Variants in STXBP5L observed in about 807,000 individuals in gnomAD.
STXBP5L encodes the protein syntaxin-binding protein 5-like.
Under a neutral mutation model 144.5 loss-of-function variants are expected in STXBP5L, and 65 were observed. The observed-to-expected ratio is 0.45, with a 90% confidence interval of 0.37 to 0.55. The LOEUF (loss-of-function observed/expected upper bound fraction) is 0.55. STXBP5L is among the 20% of genes least tolerant of loss of function. STXBP5L has a pLI of 0.00. For missense variants in STXBP5L, 1,298 were observed against 1,405.5 expected (o/e 0.92, Z 1.22); for synonymous variants, 505 against 469.6 (o/e 1.08, Z -0.97).
At chr3:121,006,045 A>C (rs1346390736) in intron 3 of STXBP5L, among the ~76,000 whole-genome samples, 1 of 152,010 alleles carries the variant, frequency 6.6e-6, no homozygotes, top group Admixed American at 6.6e-5. Context: ...TGGGGTGGAG[A>C]GTTCTGTTGA....
intron 19 of STXBP5L, among the ~76,000 whole-genome samples, chr3:121,283,799 T>C (rs936043506): frequency 1.3e-5 from 2 of 151,970 alleles, no homozygotes; most frequent in African/African-American, 4.8e-5. Flanking sequence ...AAAACCTTTC[T>C]GTAAATAGTC....
intron 18 of STXBP5L, among the ~76,000 whole-genome samples, chr3:121,263,608 A>G (rs937832237): frequency 2.0e-5 from 3 of 152,156 alleles, no homozygotes; most frequent in African/African-American, 7.2e-5. Context: ...TAAGATAACC[A>G]GTTTAGAGAA....
At chr3:121,317,276 T>C (rs1374548897) in intron 19 of STXBP5L, among the ~76,000 whole-genome samples, 1 of 152,162 alleles carries the variant, frequency 6.6e-6, no homozygotes, top group East Asian at 1.9e-4. Context: ...CTATAAGCAA[T>C]TGAAATATGA....
chr3:120,985,508 A>C (rs1257758674), intron 3 of STXBP5L, among the ~76,000 whole-genome samples: 1 of 152,088 alleles, frequency 6.6e-6, no homozygotes, highest in Non-Finnish European at 1.5e-5. Flanking sequence ...GCTGTGTAAT[A>C]GATCTCTAAA....
At chr3:121,148,383 T>C (rs192147592) in intron 7 of STXBP5L, among the ~76,000 whole-genome samples, 63 of 152,180 alleles carry the variant, frequency 4.1e-4, no homozygotes, top group Admixed American at 3.3e-3. Flanking sequence ...GAAAAATATA[T>C]GGCAATAAAA....
At chr3:120,975,394 G>A (rs866264197) in intron 3 of STXBP5L, among the ~76,000 whole-genome samples, 2 of 152,132 alleles carry the variant, frequency 1.3e-5, no homozygotes, top group African/African-American at 4.8e-5. Flanking sequence ...CATTGATTTT[G>A]TATCCTGAGA....
chr3:121,201,019 T>A (rs560227363), intron 9 of STXBP5L, among the ~76,000 whole-genome samples: 21 of 152,344 alleles, frequency 1.4e-4, no homozygotes, highest in South Asian at 6.2e-4. Context: ...CAGGGCCAAG[T>A]TCAAGTCCTG....
At chr3:121,327,227 C>G (rs1255593653) in intron 20 of STXBP5L, among the ~76,000 whole-genome samples, 1 of 152,092 alleles carries the variant, frequency 6.6e-6, no homozygotes, top group Non-Finnish European at 1.5e-5. Context: ...CACGAAGTCC[C>G]CTAGACAAAA....
rs554443071 is a variant in STXBP5L at position 121,168,877 on chromosome 3, G to A, written c.877+11250G>A. ...TACTCCTCGAGAAGAGCATCCCCAC[G>A]ACACAATTGTCAGATTTACCAAGGT... is the stretch of plus-strand genomic sequence containing the variant. On this transcript the variant is annotated intron_variant, in intron 9 of 26. Transcript: ENST00000471454. Among the ~76,000 whole-genome samples the A allele has an allele frequency of 6.6e-4, 101 of 151,950 alleles. 2 individuals are homozygous for A. The South Asian group carries it at 0.021, about 31-fold the overall frequency.
At chr3:121,057,510 A>G (rs73189304) in intron 5 of STXBP5L, among the ~76,000 whole-genome samples, 5,402 of 152,172 alleles carry the variant, frequency 0.035, 144 homozygotes, top group Middle Eastern at 0.082. Flanking sequence ...ACCCCCAGGT[A>G]TCCTAATTTC....
chr3:121,070,684 C>T (rs1446683885), intron 5 of STXBP5L, among the ~76,000 whole-genome samples: 1 of 152,006 alleles, frequency 6.6e-6, no homozygotes, highest in Non-Finnish European at 1.5e-5. Flanking sequence ...CCCCACGACC[C>T]GAATAATGGC....
Position 121,139,995 on chromosome 3 carries a change from C to T in STXBP5L, c.670-12482C>T, listed in dbSNP as rs370260218. Among the ~76,000 whole-genome samples the T allele has an allele frequency of 3.7e-3, 570 of 152,108 alleles. 29 individuals are homozygous for T. The South Asian group carries it at 0.1, about 28-fold the overall frequency. On this transcript the variant is annotated intron_variant, in intron 7 of 26. Coordinates refer to ENST00000471454, the MANE Select transcript of STXBP5L (RefSeq NM_001308330.2). ...CCAGTTGAAAAATGGACAAAATAGA[C>T]ATGTATATGCACATGTGGAAGAATG...
At chr3:121,187,420 AG>A (rs1190703353) in intron 9 of STXBP5L, among the ~76,000 whole-genome samples, 3 of 31,466 alleles carry the variant, frequency 9.5e-5, no homozygotes, top group African/African-American at 1.2e-4. Context: ...GGGAGCGGGG[AG>A]GGGGGAGGGA....
intron 7 of STXBP5L, among the ~76,000 whole-genome samples, chr3:121,123,718 A>C (rs532229116): frequency 2.0e-5 from 3 of 151,854 alleles, no homozygotes; most frequent in African/African-American, 7.2e-5. Flanking sequence ...ACAAATTAAA[A>C]GGACTGCAAA....
intron 20 of STXBP5L, 119 bp from the exon 21 acceptor site, chr3:121,378,597 A>C: frequency 8.5e-7 from 1 of 1,175,146 alleles, no homozygotes. Flanking sequence ...AACTATATTC[A>C]TGTGGTTTAG....
intron 2 of STXBP5L, among the ~76,000 whole-genome samples, chr3:120,918,704 A>G (rs989347730): frequency 1.3e-5 from 2 of 152,108 alleles, no homozygotes; most frequent in African/African-American, 4.8e-5. Context: ...TAGTTGTCCC[A>G]TATTGTCTTT....
At chr3:121,180,055 T>C (rs941330686) in intron 9 of STXBP5L, among the ~76,000 whole-genome samples, 1 of 152,114 alleles carries the variant, frequency 6.6e-6, no homozygotes, top group African/African-American at 2.4e-5. Context: ...TTACTAGAGA[T>C]CTAGACATCC....
intron 5 of STXBP5L, among the ~76,000 whole-genome samples, chr3:121,091,535 G>A (rs571219559): frequency 2.0e-4 from 30 of 152,250 alleles, no homozygotes; most frequent in Non-Finnish European, 2.8e-4. Flanking sequence ...GCCAGTGATG[G>A]TGAGCATTTT....
chr3:120,946,817 T>C (rs1456638039), intron 2 of STXBP5L, among the ~76,000 whole-genome samples: 1 of 151,716 alleles, frequency 6.6e-6, no homozygotes. Flanking sequence ...ATTCTGCCAA[T>C]GGGAGGCACT....
Sources: gnomAD v4.1 joint callset for allele counts (sites outside exome capture counted in the v4.1 genomes callset) on GRCh38, gnomAD v4.1.1 for gene constraint, MANE v1.5 for transcripts, NCBI Gene and HGNC (gene_info 2026-07-23, HGNC 2026-07-21) for gene names.